UBAC1: variants seen among roughly 807,000 people sequenced by gnomAD.
The protein encoded by UBAC1 is ubiquitin-associated domain-containing protein 1.
Under a neutral mutation model 45.9 loss-of-function variants are expected in UBAC1, and 27 were observed. That is an observed-to-expected ratio of 0.59 (90% CI 0.43 to 0.81). The LOEUF is 0.81. Ranked by LOEUF, UBAC1 falls within the 30% of genes least tolerant of loss-of-function variation. The pLI, the probability that UBAC1 is intolerant of heterozygous loss-of-function variation, is 0.00. For missense variants in UBAC1, 529 were observed against 539.2 expected (o/e 0.98, Z 0.19); for synonymous variants, 227 against 215.5 (o/e 1.05, Z -0.47).
At chr9:135,942,632 G>A (rs994770501) in intron 7 of UBAC1, among the ~76,000 whole-genome samples, 1 of 145,154 alleles carries the variant, frequency 6.9e-6, no homozygotes, top group African/African-American at 2.6e-5. Context: ...CAGCCTGGGT[G>A]ACAGAGTGAA....
chr9:135,953,163 G>C (rs1052334397), intron 3 of UBAC1, among the ~76,000 whole-genome samples: 1 of 152,138 alleles, frequency 6.6e-6, no homozygotes, highest in Non-Finnish European at 1.5e-5. Flanking sequence ...TGCTGGTCCC[G>C]TGAGCAGGGA....
rs1839432809 is a variant in UBAC1, at chr9:135,953,664, A to G, written c.333+16T>C. On this transcript the variant is annotated intron_variant, in intron 3 of 9. Coordinates refer to ENST00000371756, the MANE Select transcript of UBAC1 (RefSeq NM_016172.3). ...TCTACCAACCAAGGTCCCCAATTGC[A>G]AACTTTGAAATTTACCTTTTCTTCT... The G allele has an allele frequency of 1.2e-6, 2 of 1,612,484 alleles. No individual in the cohort carries two copies. The highest frequency in any genetic ancestry group is 4.5e-5 in the East Asian group (2 of 44,820).
At chr9:135,948,185 G>A (rs1424458832) in intron 3 of UBAC1, 2 of 368,928 alleles carry the variant, frequency 5.4e-6, no homozygotes, top group Non-Finnish European at 9.8e-6. Flanking sequence ...CACAGGGACC[G>A]TGGCAGGGCT....
chr9:135,956,299 G>C (rs1274273271), intron 1 of UBAC1, among the ~76,000 whole-genome samples: 1 of 152,212 alleles, frequency 6.6e-6, no homozygotes, highest in Non-Finnish European at 1.5e-5. Flanking sequence ...CTGCTGGCAG[G>C]GGTAGATCCT....
At chr9:135,950,789 A>G (rs141514246) in intron 3 of UBAC1, among the ~76,000 whole-genome samples, 153 of 152,344 alleles carry the variant, frequency 1.0e-3, no homozygotes, top group African/African-American at 3.5e-3. Flanking sequence ...ATTGTTAAAA[A>G]TAACAAGAGT....
intron 7 of UBAC1, among the ~76,000 whole-genome samples, chr9:135,940,637 C>G (rs893371404): frequency 5.3e-5 from 8 of 151,220 alleles, no homozygotes; most frequent in Admixed American, 4.6e-4. Flanking sequence ...TTGAACAAAA[C>G]TTAAGCTACA....
intron 9 of UBAC1, among the ~76,000 whole-genome samples, chr9:135,936,514 G>A (rs1426890092): frequency 1.1e-5 from 1 of 91,174 alleles, no homozygotes; most frequent in Non-Finnish European, 2.3e-5. Flanking sequence ...TTTTTTTTTT[G>A]AGGTGGAGTC....
intron 1 of UBAC1, among the ~76,000 whole-genome samples, chr9:135,956,177 G>C (rs759517728): frequency 1.3e-5 from 2 of 152,174 alleles, no homozygotes; most frequent in Admixed American, 1.3e-4. Context: ...CAGCGCTCAC[G>C]GGGGACCTGG....
At chr9:135,950,832 G>C (rs147039807) in intron 3 of UBAC1, among the ~76,000 whole-genome samples, 3,605 of 152,286 alleles carry the variant, frequency 0.024, 52 homozygotes, top group African/African-American at 0.024. Context: ...GGTGGTTCAC[G>C]CCTGTAATCC....
chr9:135,944,404 C>A (rs1443700250), intron 7 of UBAC1, among the ~76,000 whole-genome samples: 1 of 152,228 alleles, frequency 6.6e-6, no homozygotes, highest in Non-Finnish European at 1.5e-5. Flanking sequence ...CGACAGCATG[C>A]AGATGGAGCA....
chr9:135,949,438 A>G (rs1361016210), intron 3 of UBAC1, among the ~76,000 whole-genome samples: 1 of 152,208 alleles, frequency 6.6e-6, no homozygotes, highest in Non-Finnish European at 1.5e-5. Context: ...AAAGAGAAAA[A>G]GACCTGCAGC....
Position 135,961,157 on chromosome 9 carries a change from G to A in UBAC1, c.6C>T (p.Phe2=). The A allele has an allele frequency of 1.9e-6, 3 of 1,563,746 alleles. No individual in the cohort carries two copies. The highest frequency in any genetic ancestry group is 1.2e-5 in the South Asian group (1 of 86,344). Residue 2 remains phenylalanine (F), a synonymous_variant, in exon 1 of 10, where the codon TTC becomes TTT. Coordinates refer to ENST00000371756, the MANE Select transcript of UBAC1 (RefSeq NM_016172.3). ...CCGCGAAGATCTTCTCCTCCTGCACGAACATCCCGCCGCCGCCGCAGGGGC... is the reference window on the plus strand; with the variant it reads ...CCGCGAAGATCTTCTCCTCCTGCACAAACATCCCGCCGCCGCCGCAGGGGC... M[F]VQEEKIFAGK...
At position 135,953,660 on chromosome 9, in the gene UBAC1, T is replaced by C. The variant is rs199588175; in HGVS notation, c.333+20A>G. ...GACTTCTACCAACCAAGGTCCCCAA[T>C]TGCAAACTTTGAAATTTACCTTTTC... On this transcript the variant is annotated intron_variant, in intron 3 of 9. Coordinates refer to ENST00000371756, the MANE Select transcript of UBAC1 (RefSeq NM_016172.3). 3.9e-5 allele frequency: 62 copies of C among 1,589,814 alleles called. 1 individual carries two copies. Among genetic ancestry groups the C allele is most frequent in the Admixed American group, 2.0e-4 (12 of 59,218 alleles).
chr9:135,938,815 G>A (rs1028423967), intron 8 of UBAC1, among the ~76,000 whole-genome samples: 6 of 151,998 alleles, frequency 3.9e-5, no homozygotes, highest in Admixed American at 2.6e-4. Flanking sequence ...GGGGATGGTG[G>A]GGGGGGGATG....
chr9:135,946,313 A>G lies in UBAC1; in HGVS notation c.500T>C (p.Leu167Ser). Residue 167 changes from leucine (L) to serine (S), a missense_variant, in exon 5 of 10, where the codon TTA becomes TCA. By Grantham distance (145) the Leu-to-Ser change is moderately radical. Transcript: ENST00000371756. ...VSLIEVAQKLLALNPDAVELF... is the reference protein window; with the variant it reads ...VSLIEVAQKLSALNPDAVELF... ...TTCCACTGCATCTGGGTTCAGCGCTAACAGCTTCTGCGCCACCTCGATGAG... is the reference window on the plus strand; with the variant it reads ...TTCCACTGCATCTGGGTTCAGCGCTGACAGCTTCTGCGCCACCTCGATGAG... The G allele has an allele frequency of 6.2e-7, 1 of 1,614,084 alleles. No individual in the cohort carries two copies. The highest frequency in any genetic ancestry group is 8.5e-7 in the Non-Finnish European group (1 of 1,179,942).
At chr9:135,955,177 T>C (rs1839451778) in intron 2 of UBAC1, 118 bp downstream of exon 2, 2 of 1,086,120 alleles carry the variant, frequency 1.8e-6, no homozygotes, top group African/African-American at 1.6e-5. Flanking sequence ...ATCTCGTTTT[T>C]GTGCTCGTGT....
intron 3 of UBAC1, among the ~76,000 whole-genome samples, chr9:135,950,867 C>T (rs1403906993): frequency 2.0e-5 from 3 of 152,184 alleles, no homozygotes; most frequent in African/African-American, 7.2e-5. Context: ...CCAAGGTGAA[C>T]AGACCACCTG....
At chr9:135,952,954 T>C (rs961832174) in intron 3 of UBAC1, among the ~76,000 whole-genome samples, 2 of 152,352 alleles carry the variant, frequency 1.3e-5, no homozygotes, top group East Asian at 3.9e-4. Flanking sequence ...ACTCTCTGCA[T>C]GCGCAGCCCT....
At chr9:135,937,531 C>T (rs1239547594) in intron 9 of UBAC1, among the ~76,000 whole-genome samples, 1 of 150,730 alleles carries the variant, frequency 6.6e-6, no homozygotes, top group African/African-American at 2.4e-5. Flanking sequence ...CAAGAAAATA[C>T]TCCACAACCC....
Sources: allele counts gnomAD v4.1 joint callset (sites outside exome capture counted in the v4.1 genomes callset), GRCh38; gene constraint gnomAD v4.1.1; transcripts MANE v1.5; gene names NCBI Gene and HGNC (gene_info 2026-07-23, HGNC 2026-07-21).